The following HBP1 variants were observed in gnomAD, a reference collection of about 807,000 sequenced individuals.
The protein encoded by HBP1 is HMG box-containing protein 1.
A neutral mutation model predicts 62.6 loss-of-function variants in HBP1; 20 were observed. The ratio of observed to expected loss-of-function variants is 0.32; its 90% CI spans 0.22 to 0.46. The LOEUF is 0.46. Ranked by LOEUF, HBP1 falls within the 20% of genes least tolerant of loss-of-function variation. The probability of loss-of-function intolerance (pLI) is 1.00; values close to 1 mark genes in which losing one functional copy is unlikely to be tolerated. For synonymous variants in HBP1, 232 were observed against 206.2 expected (o/e 1.12, Z -1.07); for missense variants, 480 against 611.8 (o/e 0.78, Z 2.27).
chr7:107,169,848 G>C lies in HBP1; in HGVS notation c.-16+663G>C, dbSNP rs4730222. 0.19 allele frequency: 187,992 copies of C among 984,984 alleles called. 18,734 individuals are homozygous for C. Among genetic ancestry groups the C allele is most frequent in the Non-Finnish European group, 0.2 (168,388 of 829,666 alleles). The allele number at this position is 984,984 out of a possible 1,614,324, so 61.0% of individuals were successfully genotyped here. On this transcript the variant is annotated intron_variant, in intron 1 of 10. Transcript: ENST00000222574. ...GGGAACGCGATGAATGGCGAAAGAG[G>C]GTGGGGGATGGACTTGGCGTGAACC...
chr7:107,179,765 A>G lies in HBP1; in HGVS notation c.-15-114A>G, dbSNP rs191667038. On this transcript the variant is annotated intron_variant, in intron 1 of 10. Transcript: ENST00000222574. ...GCAGTCTGGGTGACAGAGTGTGACT[A>G]TGTCTCAAAAAAAAAACAAAACAAC... The G allele has an allele frequency of 1.5e-4, 91 of 605,444 alleles. No individual in the cohort carries two copies. In the Middle Eastern group the frequency reaches 1.5e-3, roughly 10 times the overall value. 37.5% of individuals were successfully genotyped at this position (605,444 alleles called of 1,614,324 possible). A position where few individuals can be genotyped will look rare whatever the true frequency, so the allele number is the denominator to read the frequency against.
rs570824732 is a variant in HBP1 at position 107,182,569 on chromosome 7, A to G, written c.366A>G (p.Gln122=). The G allele has an allele frequency of 1.4e-5, 23 of 1,606,122 alleles. No individual in the cohort carries two copies. The South Asian group carries it at 1.9e-4, about 13-fold the overall frequency. ...TELANIATSP[Q]SPLMQCSFYN... ...TGGCAAATATCGCGACCAGTCCACA[A>G]AGTCCACTGATGCAGTGCTCATTTT... The change falls in exon 3 of 11, where the codon CAA becomes CAG. Residue 122 remains glutamine (Q), a synonymous_variant. Transcript: ENST00000222574.
At position 107,186,681 on chromosome 7, in the gene HBP1, G is replaced by C. The variant is rs779064618; in HGVS notation, c.765G>C (p.Lys255Asn). The C allele has an allele frequency of 6.4e-7, 1 of 1,560,426 alleles. No individual in the cohort carries two copies. Among genetic ancestry groups the C allele is most frequent in the East Asian group, 2.2e-5 (1 of 44,600 alleles). ...NEEDLQMGIH[K>N]GYGSDGLKLL... ...AAGATCTTCAAATGGGCATTCACAA[G>C]GTTGATTTAAAATTCTTAAAAAATT... is the stretch of plus-strand genomic sequence containing the variant. The change falls in exon 6 of 11, where the codon AAG (lysine) becomes AAC (asparagine). Residue 255 changes from lysine (K) to asparagine (N), a missense_variant and splice_region_variant. Lys to Asn is a moderately conservative substitution (Grantham distance 94). Coordinates refer to ENST00000222574, the MANE Select transcript of HBP1 (RefSeq NM_012257.4).
chr7:107,169,085 C>T lies in HBP1; in HGVS notation c.-116C>T, dbSNP rs985225678. ...GCTGCCGCGGGAGCAGTAACCCGCG[C>T]GGGGGAGGCCGACGTCGGTCGGAGA... On this transcript the variant is annotated 5_prime_UTR_variant, in exon 1 of 11. Transcript: ENST00000222574. 1.6e-6 allele frequency: 2 copies of T among 1,284,700 alleles called. No individual in the cohort carries two copies. Among genetic ancestry groups the T allele is most frequent in the East Asian group, 5.6e-5 (1 of 17,764 alleles). 79.6% of individuals were successfully genotyped at this position (1,284,700 alleles called of 1,614,324 possible).
At position 107,179,959 on chromosome 7, in the gene HBP1, C is replaced by T; in HGVS notation, c.66C>T (p.Asp22=). The T allele has an allele frequency of 6.2e-7, 1 of 1,611,222 alleles. No individual in the cohort carries two copies. The highest frequency in any genetic ancestry group is 8.5e-7 in the Non-Finnish European group (1 of 1,177,568). The change falls in exon 2 of 11, where the codon GAC becomes GAT. Residue 22 remains aspartate (D), a synonymous_variant. Transcript: ENST00000222574. ...TACAGAAACTCCTGTTGGTGATGGA[C>T]AAGAGAGCCTCAGGAATGAATGACT... ...NAVQKLLLVM[D]KRASGMNDSL... is the part of the protein sequence containing the mutation.
intron 1 of HBP1, among the ~76,000 whole-genome samples, chr7:107,173,226 G>A (rs1346114741): frequency 1.3e-5 from 2 of 152,194 alleles, no homozygotes; most frequent in Non-Finnish European, 2.9e-5. Flanking sequence ...CAGTTTCAGA[G>A]ATAGAAATTA....
At position 107,187,863 on chromosome 7, in the gene HBP1, T is replaced by C. The variant is rs1448571857; in HGVS notation, c.765+1182T>C. ...ATTCTCAGTCTTTTAGGCCTGGTAC[T>C]TGACTGCCCGCAGTGCTGAATATTA... On this transcript the variant is annotated intron_variant, in intron 6 of 10. Transcript: ENST00000222574. 3.3e-5 allele frequency among the ~76,000 whole-genome samples: 5 copies of C among 152,208 alleles called. No homozygotes were observed. The East Asian group carries it at 5.8e-4, about 18-fold the overall frequency.
chr7:107,184,672 G>A (rs1797269320), intron 3 of HBP1, among the ~76,000 whole-genome samples: 1 of 152,038 alleles, frequency 6.6e-6, no homozygotes, highest in Non-Finnish European at 1.5e-5. Context: ...CACCATGCCT[G>A]GCTGGTTTTT....
intron 8 of HBP1, among the ~76,000 whole-genome samples, chr7:107,194,168 T>C (rs1052229401): frequency 2.0e-5 from 3 of 152,212 alleles, no homozygotes; most frequent in Admixed American, 6.5e-5. Context: ...ATGTTAGTCA[T>C]TGAATTTTGT....
chr7:107,197,348 TTA>T (rs1292397879), intron 9 of HBP1, among the ~76,000 whole-genome samples: 1 of 152,088 alleles, frequency 6.6e-6, no homozygotes, highest in Non-Finnish European at 1.5e-5. Context: ...AAGTGTGTAA[TTA>T]GTGAGTCAAG....
In HBP1 at chr7:107,201,866, A is replaced by T. The variant is rs1352106384; in HGVS notation, c.*435A>T. On this transcript the variant is annotated 3_prime_UTR_variant, in exon 11 of 11. Transcript: ENST00000222574. Reference sequence around the variant, plus strand: ...TATTGTACACATGATGAAATGAAGCAGAAGCTGGGAGTCGGCCTTTCCTCT... The same window carrying T: ...TATTGTACACATGATGAAATGAAGCTGAAGCTGGGAGTCGGCCTTTCCTCT... 1 of 153,658 alleles carries T rather than the reference A, an allele frequency of 6.5e-6. No individual in the cohort carries two copies. Among genetic ancestry groups the T allele is most frequent in the Non-Finnish European group, 1.5e-5 (1 of 68,796 alleles). The allele number at this position is 153,658 out of a possible 1,614,324, so 9.5% of individuals were successfully genotyped here. A position where few individuals can be genotyped will look rare whatever the true frequency, so the allele number is the denominator to read the frequency against.
chr7:107,169,908 CT>C, intron 1 of HBP1: 3 of 985,502 alleles, frequency 3.0e-6, no homozygotes, highest in Non-Finnish European at 3.6e-6. Flanking sequence ...AAAGAGGAGG[CT>C]TGGCAGGCGA....
At chr7:107,192,881 T>G (rs1797720868) in intron 8 of HBP1, 1 of 152,166 alleles carries the variant, frequency 6.6e-6, no homozygotes, top group Admixed American at 6.5e-5. Flanking sequence ...GTGACTTTAT[T>G]TTCATTGTGG....
chr7:107,178,761 G>A (rs954178289), intron 1 of HBP1, among the ~76,000 whole-genome samples: 7 of 152,072 alleles, frequency 4.6e-5, no homozygotes, highest in Admixed American at 6.5e-5. Context: ...GGCCAGGTGC[G>A]GTGGCTCATG....
Position 107,169,831 on chromosome 7 carries a change from G to A in HBP1, c.-16+646G>A, listed in dbSNP as rs981297726. ...TGATGGGGGGAAGGGAGGGGAACGC[G>A]ATGAATGGCGAAAGAGGGTGGGGGA... On this transcript the variant is annotated intron_variant, in intron 1 of 10. Coordinates refer to ENST00000222574, the MANE Select transcript of HBP1 (RefSeq NM_012257.4). The A allele has an allele frequency of 7.1e-6, 7 of 985,156 alleles. No homozygotes were observed. In the African/African-American group the frequency reaches 1.0e-4, roughly 15 times the overall value. 61.0% of individuals were successfully genotyped at this position (985,156 alleles called of 1,614,324 possible). A position where few individuals can be genotyped will look rare whatever the true frequency, so the allele number is the denominator to read the frequency against.
intron 1 of HBP1, among the ~76,000 whole-genome samples, chr7:107,176,333 TTTTAACCCATTCATAGCCAAGTCCTGC>T (rs1355531703): frequency 6.6e-6 from 1 of 152,178 alleles, no homozygotes; most frequent in Admixed American, 6.5e-5. Flanking sequence ...CCTTCTTTTC[TTTTAACCCATTCATAGCCAAGTCCTGC>T]TCTGTAGAAC....
chr7:107,171,071 A>ATTTTTTTTTTTT lies in HBP1; in HGVS notation c.-16+1887_-16+1888insTTTTTTTTTTTT, dbSNP rs1160740045. Reference sequence around the variant, plus strand: ...AATATATATATATATATATATATATATATTTTTTTTTTTTTTTGAGAGGGA... The same window carrying ATTTTTTTTTTTT: ...AATATATATATATATATATATATATATTTTTTTTTTTTTATTTTTTTTTTTTTTTGAGAGGGA... On this transcript the variant is annotated intron_variant, in intron 1 of 10. Transcript: ENST00000222574. 8.7e-4 allele frequency among the ~76,000 whole-genome samples: 73 copies of ATTTTTTTTTTTT among 84,288 alleles called. 14 individuals carry two copies. Among genetic ancestry groups the ATTTTTTTTTTTT allele is most frequent in the African/African-American group, 5.6e-3 (68 of 12,236 alleles). The allele number at this position is 84,288 out of a possible 152,430, so 55.3% of individuals were successfully genotyped here.
intron 6 of HBP1, among the ~76,000 whole-genome samples, chr7:107,187,517 A>T (rs1363216219): frequency 6.6e-6 from 1 of 152,174 alleles, no homozygotes; most frequent in Non-Finnish European, 1.5e-5. Flanking sequence ...AGGCAAGAAA[A>T]TGGGCATGTG....
chr7:107,176,259 C>T (rs545389216), intron 1 of HBP1, among the ~76,000 whole-genome samples: 14 of 152,076 alleles, frequency 9.2e-5, no homozygotes, highest in Admixed American at 5.2e-4. Context: ...CTCCTGACCT[C>T]GTGATCCGCC....
Sources: allele counts gnomAD v4.1 joint callset (sites outside exome capture counted in the v4.1 genomes callset), GRCh38; gene constraint gnomAD v4.1.1; transcripts MANE v1.5; gene names NCBI Gene and HGNC (gene_info 2026-07-23, HGNC 2026-07-21).